Variants in PIP5K1B observed in about 807,000 individuals in gnomAD.
PIP5K1B encodes phosphatidylinositol-4-phosphate 5-kinase type 1 beta.
A neutral mutation model predicts 67.0 loss-of-function variants in PIP5K1B; 42 were observed. That is an observed-to-expected ratio of 0.63 (90% CI 0.49 to 0.81). The LOEUF (loss-of-function observed/expected upper bound fraction) is 0.81. PIP5K1B is among the 30% of genes least tolerant of loss of function. The probability of loss-of-function intolerance (pLI) is 0.00; values close to 1 mark genes in which losing one functional copy is unlikely to be tolerated. For missense variants in PIP5K1B, 459 were observed against 646.3 expected, an observed-to-expected ratio of 0.71 and a Z score of 3.14; for synonymous variants, 214 against 231.4, an observed-to-expected ratio of 0.92 and a Z score of 0.68.
chr9:68,731,415 T>C (rs1185935614), intron 1 of PIP5K1B, among the ~76,000 whole-genome samples: 1 of 152,174 alleles, frequency 6.6e-6, no homozygotes. Flanking sequence ...CTTCCATAGA[T>C]TATTGAGAGG....
chr9:68,738,606 C>T (rs1190998248), intron 1 of PIP5K1B, among the ~76,000 whole-genome samples: 6 of 152,218 alleles, frequency 3.9e-5, no homozygotes, highest in African/African-American at 1.4e-4. Flanking sequence ...AAGTTAGTCA[C>T]TTTGCTCCAT....
chr9:68,989,463 C>T (rs1830262719), intron 14 of PIP5K1B, among the ~76,000 whole-genome samples: 1 of 152,162 alleles, frequency 6.6e-6, no homozygotes, highest in African/African-American at 2.4e-5. Flanking sequence ...AGACCATAGG[C>T]TGCTGTTGGT....
rs114254438 is a variant in PIP5K1B, at chr9:68,951,528, C to T, written c.1502+10738C>T. Among the ~76,000 whole-genome samples the T allele has an allele frequency of 5.8e-3, 887 of 152,208 alleles. 8 individuals are homozygous for T. Among genetic ancestry groups the T allele is most frequent in the African/African-American group, 0.02 (845 of 41,518 alleles). On this transcript the variant is annotated intron_variant, in intron 14 of 15. Coordinates refer to ENST00000265382, the MANE Select transcript of PIP5K1B (RefSeq NM_003558.4). ...TGTGACAGGAGAGAGGCCAGGTATT[C>T]GAAGGCCAGGTCAAAGCTCATTTAG...
chr9:68,987,622 A>G (rs546744585), intron 14 of PIP5K1B, among the ~76,000 whole-genome samples: 1 of 152,340 alleles, frequency 6.6e-6, no homozygotes, highest in South Asian at 2.1e-4. Flanking sequence ...CTATTGTATT[A>G]GTCCATTTTC....
intron 2 of PIP5K1B, among the ~76,000 whole-genome samples, chr9:68,752,206 G>T (rs978411193): frequency 6.6e-6 from 1 of 152,122 alleles, no homozygotes; most frequent in Admixed American, 6.6e-5. Flanking sequence ...CCCATAGTAG[G>T]TGCCCAATAA....
chr9:68,831,062 T>C (rs1294786904), intron 4 of PIP5K1B, among the ~76,000 whole-genome samples: 2 of 152,216 alleles, frequency 1.3e-5, no homozygotes. Flanking sequence ...CTGTTCTGAA[T>C]TTGGGAAAAG....
intron 4 of PIP5K1B, among the ~76,000 whole-genome samples, chr9:68,837,560 G>T (rs922777118): frequency 6.8e-6 from 1 of 146,862 alleles, no homozygotes; most frequent in Non-Finnish European, 1.5e-5. Flanking sequence ...TTTTGTTGCA[G>T]ATGCTTTTCC....
At chr9:68,857,217 A>C (rs1321692194) in intron 4 of PIP5K1B, among the ~76,000 whole-genome samples, 1 of 152,200 alleles carries the variant, frequency 6.6e-6, no homozygotes, top group Non-Finnish European at 1.5e-5. Context: ...TAAGATAATA[A>C]GTTTGCATTT....
chr9:68,816,119 TTTTG>T (rs777335801), intron 2 of PIP5K1B, among the ~76,000 whole-genome samples: 2 of 152,202 alleles, frequency 1.3e-5, no homozygotes, highest in Non-Finnish European at 2.9e-5. Flanking sequence ...AACACGATTT[TTTTG>T]TTTGTTTGTT....
intron 4 of PIP5K1B, among the ~76,000 whole-genome samples, chr9:68,839,109 A>G (rs144528255): frequency 3.9e-5 from 6 of 152,296 alleles, no homozygotes; most frequent in Non-Finnish European, 7.3e-5. Flanking sequence ...GAAATCATTG[A>G]GAAATTTTGG....
At chr9:68,888,548 C>T (rs1037333998) in intron 6 of PIP5K1B, among the ~76,000 whole-genome samples, 3 of 152,170 alleles carry the variant, frequency 2.0e-5, no homozygotes, top group Admixed American at 1.3e-4. Flanking sequence ...TTGTTGAAAC[C>T]ATGAGTAGAT....
chr9:68,824,964 C>T (rs1833908103), intron 4 of PIP5K1B, among the ~76,000 whole-genome samples: 1 of 152,104 alleles, frequency 6.6e-6, no homozygotes, highest in Non-Finnish European at 1.5e-5. Context: ...GAAAACAGGA[C>T]ATAAGCAAAT....
At chr9:68,992,826 C>G (rs1269404389) in intron 15 of PIP5K1B, among the ~76,000 whole-genome samples, 1 of 113,838 alleles carries the variant, frequency 8.8e-6, no homozygotes, top group African/African-American at 3.8e-5. Flanking sequence ...GGCAACAGAG[C>G]ATGACCCTGT....
chr9:68,931,300 T>C (rs1316322691), intron 12 of PIP5K1B, among the ~76,000 whole-genome samples: 2 of 152,226 alleles, frequency 1.3e-5, no homozygotes, highest in Non-Finnish European at 2.9e-5. Context: ...TAGAGAAAAT[T>C]AACTGTTCTA....
chr9:68,890,040 T>TG (rs1824699364), intron 7 of PIP5K1B, among the ~76,000 whole-genome samples: 1 of 152,186 alleles, frequency 6.6e-6, no homozygotes, highest in African/African-American at 2.4e-5. Context: ...TAACTTGCCA[T>TG]GGGTGATTCA....
intron 1 of PIP5K1B, among the ~76,000 whole-genome samples, chr9:68,734,810 A>G (rs1452672321): frequency 6.6e-6 from 1 of 152,246 alleles, no homozygotes; most frequent in Admixed American, 6.5e-5. Flanking sequence ...AAAGGAAAGC[A>G]GCCCATCATT....
At chr9:68,982,060 C>T (rs1166570346) in intron 14 of PIP5K1B, among the ~76,000 whole-genome samples, 1 of 152,200 alleles carries the variant, frequency 6.6e-6, no homozygotes, top group Non-Finnish European at 1.5e-5. Context: ...AATTAGCCCT[C>T]AGACAGCCTG....
In PIP5K1B at chr9:68,993,017, C is replaced by T. The variant is rs373475499; in HGVS notation, c.1620+1760C>T. On this transcript the variant is annotated intron_variant, in intron 15 of 15. Transcript: ENST00000265382. ...ACTAAAAATACAGAGGAAAAATTAG[C>T]CGGGCGTGGTGGCAGGCGCCTGTAG... Among the ~76,000 whole-genome samples the T allele has an allele frequency of 3.0e-4, 45 of 151,818 alleles. 2 individuals are homozygous for T. The highest frequency in any genetic ancestry group is 9.9e-4 in the African/African-American group (41 of 41,424).
intron 14 of PIP5K1B, among the ~76,000 whole-genome samples, chr9:68,957,740 G>A (rs1180693400): frequency 6.6e-6 from 1 of 152,194 alleles, no homozygotes; most frequent in Admixed American, 6.5e-5. Flanking sequence ...GTTATAGGGA[G>A]GGCACCTCTT....
Sources: gnomAD v4.1 joint callset for allele counts (sites outside exome capture counted in the v4.1 genomes callset) on GRCh38, gnomAD v4.1.1 for gene constraint, MANE v1.5 for transcripts, NCBI Gene and HGNC (gene_info 2026-07-23, HGNC 2026-07-21) for gene names.